Variants in PARD3B observed in about 807,000 individuals in gnomAD.
PARD3B encodes the protein par-3 family cell polarity regulator beta.
Under a neutral mutation model 130.2 loss-of-function variants are expected in PARD3B, and 103 were observed. The ratio of observed to expected loss-of-function variants is 0.79; its 90% CI spans 0.67 to 0.93. PARD3B has a LOEUF of 0.93. Among genes scored for constraint, PARD3B ranks in the 40% least tolerant of loss-of-function variants. PARD3B has a pLI of 0.00. For synonymous variants in PARD3B, 583 were observed against 553.2 expected, an observed-to-expected ratio of 1.05 and a Z score of -0.76; for missense variants, 1,609 against 1,499.2, an observed-to-expected ratio of 1.07 and a Z score of -1.21.
chr2:205,529,546 G>A (rs772715227), intron 21 of PARD3B, among the ~76,000 whole-genome samples: 4 of 151,510 alleles, frequency 2.6e-5, no homozygotes, highest in South Asian at 2.1e-4. Context: ...TTCAGAAAAC[G>A]TTACGTAAAA....
At chr2:205,506,650 TCA>T (rs372745394) in intron 21 of PARD3B, among the ~76,000 whole-genome samples, 120 of 152,242 alleles carry the variant, frequency 7.9e-4, no homozygotes, top group African/African-American at 2.7e-3. Flanking sequence ...ATAAAAGCCA[TCA>T]GAAGGTTTTT....
At chr2:204,771,501 A>G (rs185669968) in intron 2 of PARD3B, among the ~76,000 whole-genome samples, 27 of 152,226 alleles carry the variant, frequency 1.8e-4, no homozygotes, top group East Asian at 5.8e-4. Context: ...GATGGCAACA[A>G]TAGACACTAA....
At chr2:205,192,466 C>G (rs895086395) in intron 14 of PARD3B, among the ~76,000 whole-genome samples, 1 of 152,090 alleles carries the variant, frequency 6.6e-6, no homozygotes, top group African/African-American at 2.4e-5. Context: ...AAATTTATTT[C>G]TAAAACAAGA....
chr2:204,965,281 A>G lies in PARD3B; in HGVS notation c.352A>G (p.Ile118Val), dbSNP rs746041191. Residue 118 changes from isoleucine (I) to valine (V), a missense_variant, in exon 3 of 23, where the codon ATT (isoleucine) becomes GTT (valine). Physicochemically the swap from Ile to Val is conservative, Grantham distance 29. Transcript: ENST00000406610. Reference sequence around the variant, plus strand: ...CGCCCAACTGGCCGCATTTAAGCCAATTGGTGGGGAGATTGAAGTAACCCC... The same window carrying G: ...CGCCCAACTGGCCGCATTTAAGCCAGTTGGTGGGGAGATTGAAGTAACCCC... ...VAAQLAAFKP[I>V]GGEIEVTPSA... 1.4e-5 allele frequency: 23 copies of G among 1,613,764 alleles called. No individual in the cohort carries two copies. Among genetic ancestry groups the G allele is most frequent in the South Asian group, 1.3e-4 (12 of 91,078 alleles).
In PARD3B at chr2:204,811,542, G is replaced by C. The variant is rs1419384714; in HGVS notation, c.222+125260G>C. On this transcript the variant is annotated intron_variant, in intron 2 of 22. Transcript: ENST00000406610. ...GGCTGTGGAATTTGATGCTGGGTGA[G>C]ATGGATTCTTAGCAGCTTTCTAGGT... is the stretch of plus-strand genomic sequence containing the variant. 2.0e-5 allele frequency among the ~76,000 whole-genome samples: 3 copies of C among 152,238 alleles called. No individual in the cohort carries two copies. In the East Asian group the frequency reaches 5.8e-4, roughly 29 times the overall value.
Position 205,128,132 on chromosome 2 carries a change from G to A in PARD3B, c.1434+2395G>A, listed in dbSNP as rs1054247573. On this transcript the variant is annotated intron_variant, in intron 10 of 22. Transcript: ENST00000406610. This position sits in a 1 kb window ranked among gnomAD's most constrained non-coding sequence, Gnocchi z 4.5. ...ATAGGAGAGCAAAGAAATAAGTTTT[G>A]ACTGTGTATTCCATTGAACTGTGGT... is the stretch of plus-strand genomic sequence containing the variant. 6.6e-6 allele frequency among the ~76,000 whole-genome samples: 1 copy of A among 152,186 alleles called. No homozygotes were observed. Among genetic ancestry groups the A allele is most frequent in the Non-Finnish European group, 1.5e-5 (1 of 68,030 alleles).
rs920781123 is a variant in PARD3B, at chr2:204,653,787, A to G, written c.121-32394A>G. Reference sequence around the variant, plus strand: ...GGTGATGGAGCAAGACTCTGTCTCAAAAAAAAAAAAAAAAAAAAGAAGTTG... The same window carrying G: ...GGTGATGGAGCAAGACTCTGTCTCAGAAAAAAAAAAAAAAAAAAGAAGTTG... On this transcript the variant is annotated intron_variant, in intron 1 of 22. Transcript: ENST00000406610. 3.3e-4 allele frequency among the ~76,000 whole-genome samples: 31 copies of G among 93,256 alleles called. No homozygotes were observed. The South Asian group carries it at 8.6e-3, about 26-fold the overall frequency. 61.2% of individuals were successfully genotyped at this position (93,256 alleles called of 152,430 possible).
At chr2:205,032,759 T>G (rs1400794265) in intron 3 of PARD3B, among the ~76,000 whole-genome samples, 1 of 152,186 alleles carries the variant, frequency 6.6e-6, no homozygotes, top group African/African-American at 2.4e-5. Flanking sequence ...TTTAGTGTTC[T>G]TAGAGATAAC....
chr2:204,953,429 AGAGAGAGAG>A (rs1689968512), intron 2 of PARD3B, among the ~76,000 whole-genome samples: 1 of 32,054 alleles, frequency 3.1e-5, no homozygotes, highest in South Asian at 2.7e-3. Flanking sequence ...ACAGAGAGAG[AGAGAGAGAG>A]AGAGAGAGAG....
At chr2:205,054,430 A>ATTT (rs1273061019) in intron 4 of PARD3B, among the ~76,000 whole-genome samples, 6 of 37,704 alleles carry the variant, frequency 1.6e-4, no homozygotes, top group African/African-American at 3.8e-4. Context: ...ATATATATAT[A>ATTT]TATATATTTT....
intron 2 of PARD3B, among the ~76,000 whole-genome samples, chr2:204,838,624 G>C (rs1364038922): frequency 6.6e-6 from 1 of 152,070 alleles, no homozygotes; most frequent in Non-Finnish European, 1.5e-5. Flanking sequence ...CAGTGTGATA[G>C]AAGAAATAAG....
chr2:205,579,438 G>A (rs2053884209), intron 22 of PARD3B, among the ~76,000 whole-genome samples: 1 of 152,206 alleles, frequency 6.6e-6, no homozygotes, highest in Non-Finnish European at 1.5e-5. Flanking sequence ...AGTCCCCAAA[G>A]GGGTGTCTGT....
chr2:204,641,034 TTA>T (rs1186817103), intron 1 of PARD3B, among the ~76,000 whole-genome samples: 7 of 147,900 alleles, frequency 4.7e-5, no homozygotes, highest in East Asian at 1.9e-4. Flanking sequence ...ATTTACTATA[TTA>T]TATGTTATAA....
intron 15 of PARD3B, among the ~76,000 whole-genome samples, chr2:205,213,541 G>C (rs1214336628): frequency 6.6e-6 from 1 of 152,106 alleles, no homozygotes; most frequent in Non-Finnish European, 1.5e-5. Flanking sequence ...GATTGATTTG[G>C]CTCATCTTAC....
At chr2:205,378,829 A>C (rs1396440580) in intron 18 of PARD3B, among the ~76,000 whole-genome samples, 3 of 151,750 alleles carry the variant, frequency 2.0e-5, no homozygotes, top group Non-Finnish European at 4.4e-5. Flanking sequence ...ACGGGGTTTC[A>C]CTATGTTGGC....
chr2:204,647,472 A>AT (rs944651311), intron 1 of PARD3B, among the ~76,000 whole-genome samples: 7 of 151,384 alleles, frequency 4.6e-5, no homozygotes, highest in Admixed American at 3.3e-4. Flanking sequence ...TTATTTGCAT[A>AT]TTTTTTTGAC....
At chr2:205,340,603 T>G (rs2043488318) in intron 18 of PARD3B, among the ~76,000 whole-genome samples, 1 of 152,030 alleles carries the variant, frequency 6.6e-6, no homozygotes, top group African/African-American at 2.4e-5. Context: ...TAACTCAAAA[T>G]GAATTAAAGA....
intron 16 of PARD3B, among the ~76,000 whole-genome samples, chr2:205,252,295 T>C (rs771627329): frequency 1.3e-4 from 20 of 152,184 alleles, no homozygotes; most frequent in Non-Finnish European, 7.4e-5. Flanking sequence ...ACAGATATTG[T>C]GTTAAGTGCT....
chr2:204,599,208 T>A (rs1002348350), intron 1 of PARD3B, among the ~76,000 whole-genome samples: 2 of 151,986 alleles, frequency 1.3e-5, no homozygotes, highest in African/African-American at 4.8e-5. Context: ...TTCAATATCC[T>A]CTTTTCTAGC....
Sources: gnomAD v4.1 joint callset for allele counts (sites outside exome capture counted in the v4.1 genomes callset) on GRCh38, gnomAD v4.1.1 for gene constraint, Gnocchi (gnomAD v3.1) non-coding constraint, MANE v1.5 for transcripts, NCBI Gene and HGNC (gene_info 2026-07-23, HGNC 2026-07-21) for gene names.